Variants in ADAR observed in about 807,000 individuals in gnomAD.
ADAR encodes adenosine deaminase RNA specific.
ADAR carries 41 observed loss-of-function variants against 113.2 expected under a neutral mutation model. That is an observed-to-expected ratio of 0.36 (90% CI 0.28 to 0.47). The LOEUF (loss-of-function observed/expected upper bound fraction) is 0.47, where lower values mean the gene tolerates loss of function less well. Ranked by LOEUF, ADAR falls within the 20% of genes least tolerant of loss-of-function variation. ADAR has a pLI of 1.00. For synonymous variants in ADAR, 605 were observed against 572.6 expected (o/e 1.06, Z -0.81); for missense variants, 1,242 against 1,540.9 (o/e 0.81, Z 3.25).
At chr1:154,612,796 A>G (rs1220202509), upstream of ADAR, among the ~76,000 whole-genome samples, 1 of 151,832 alleles carries the variant, frequency 6.6e-6, no homozygotes, top group African/African-American at 2.4e-5. Flanking sequence ...ACAGTTCCTA[A>G]CAACATTAAT....
At chr1:154,598,064 T>C in intron 3 of ADAR, 88 bp from the exon 4 acceptor site, 2 of 1,456,638 alleles carry the variant, frequency 1.4e-6, no homozygotes, top group Non-Finnish European at 1.9e-6. Context: ...TGGGGGACTT[T>C]ATTCCCACCA....
At chr1:154,606,947 A>AAT (rs5777923) in intron 1 of ADAR, among the ~76,000 whole-genome samples, 9,018 of 148,464 alleles carry the variant, frequency 0.061, 644 homozygotes, top group African/African-American at 0.17. Context: ...AAAAAAAAAA[A>AAT]ATATATATAT....
At chr1:154,586,425 G>T in intron 11 of ADAR, 62 bp from the exon 12 acceptor site, 2 of 1,540,896 alleles carry the variant, frequency 1.3e-6, no homozygotes, top group South Asian at 2.3e-5. Flanking sequence ...CCCTGGCGTG[G>T]TTTCTATCCT....
At chr1:154,593,421 T>A (rs926774721) in intron 6 of ADAR, among the ~76,000 whole-genome samples, 18 of 152,218 alleles carry the variant, frequency 1.2e-4, no homozygotes, top group Admixed American at 1.2e-3. Flanking sequence ...TATGGCTATA[T>A]GTCTGCTACA....
At chr1:154,586,672 T>G (rs1696787445) in intron 11 of ADAR, among the ~76,000 whole-genome samples, 1 of 152,188 alleles carries the variant, frequency 6.6e-6, no homozygotes, top group South Asian at 2.1e-4. Context: ...CTGAAGGCTC[T>G]GAGGCAGCTA....
intron 6 of ADAR, 29 bp from the exon 7 acceptor site, chr1:154,590,438 C>T (rs745549138): frequency 6.2e-7 from 1 of 1,604,306 alleles, no homozygotes; most frequent in Non-Finnish European, 8.5e-7. Flanking sequence ...AGAATGAAGA[C>T]AAGTGCCAGA....
chr1:154,590,143 C>T, intron 7 of ADAR, 41 bp downstream of exon 7: 2 of 1,034,538 alleles, frequency 1.9e-6, no homozygotes, highest in Non-Finnish European at 3.0e-6. Context: ...TTAGGAGGAC[C>T]CCCCCGCCCC....
rs1006646351 is a variant in ADAR at position 154,584,752 on chromosome 1, A to C, written c.*54T>G. On this transcript the variant is annotated 3_prime_UTR_variant, in exon 15 of 15. Transcript: ENST00000368474. ...CATGTGATGAGGAATGCTACGACCT[A>C]CCTCTCTCACACCCTAGTATGACAC... is the stretch of plus-strand genomic sequence containing the variant. 10 of 1,428,466 alleles carry C rather than the reference A, an allele frequency of 7.0e-6. No individual in the cohort carries two copies. Among genetic ancestry groups the C allele is most frequent in the Non-Finnish European group, 9.9e-6 (10 of 1,013,264 alleles). 88.5% of individuals were successfully genotyped at this position (1,428,466 alleles called of 1,614,324 possible). A position where few individuals can be genotyped will look rare whatever the true frequency, so the allele number is the denominator to read the frequency against.
chr1:154,602,425 G>C lies in ADAR; in HGVS notation c.217C>G (p.Pro73Ala), dbSNP rs894373560. Reference sequence around the variant, plus strand: ...GAGGCAAGTAGTACTGGAAACCTTGGCCGGAGTCCTGGGAGGGAAGGTGGC... The same window carrying C: ...GAGGCAAGTAGTACTGGAAACCTTGCCCGGAGTCCTGGGAGGGAAGGTGGC... ...SLPPSLPGLR[P>A]RFPVLLASST... Residue 73 changes from proline (P) to alanine (A), a missense_variant, in exon 2 of 15, where the codon CCA becomes GCA. This residue lies in a region of ADAR where 462 missense variants were observed against 483.1 expected (regional missense o/e 0.96). Coordinates refer to ENST00000368474, the MANE Select transcript of ADAR (RefSeq NM_001111.5). The C allele has an allele frequency of 3.1e-6, 5 of 1,609,370 alleles. No homozygotes were observed. In the Admixed American group the frequency reaches 5.0e-5, roughly 16 times the overall value.
Position 154,584,677 on chromosome 1 carries a change from C to T in ADAR, c.*129G>A. 1 of 870,070 alleles carries T rather than the reference C, an allele frequency of 1.1e-6. No individual in the cohort carries two copies. Among genetic ancestry groups the T allele is most frequent in the South Asian group, 1.6e-5 (1 of 61,282 alleles). The allele number at this position is 870,070 out of a possible 1,614,324, so 53.9% of individuals were successfully genotyped here. A position where few individuals can be genotyped will look rare whatever the true frequency, so the allele number is the denominator to read the frequency against. On this transcript the variant is annotated 3_prime_UTR_variant, in exon 15 of 15. Coordinates refer to ENST00000368474, the MANE Select transcript of ADAR (RefSeq NM_001111.5). ...TGGGAACCCAAAGTTTTCAGTATCA[C>T]CAATTATGGCTTAAAAAGAAAAAAA...
In ADAR at chr1:154,583,522, C is replaced by T. The variant is rs1294148353; in HGVS notation, c.*1284G>A. ...CTACCTCACAGAGTTTGAAGACAAC[C>T]TGCCCTTTCACCCACAACTACTGCT... On this transcript the variant is annotated 3_prime_UTR_variant, in exon 15 of 15. Transcript: ENST00000368474. 6.6e-6 allele frequency: 1 copy of T among 152,226 alleles called. No individual in the cohort carries two copies. The highest frequency in any genetic ancestry group is 1.5e-5 in the Non-Finnish European group (1 of 68,064). 9.4% of individuals were successfully genotyped at this position (152,226 alleles called of 1,614,324 possible).
chr1:154,606,566 G>A (rs1367236146), intron 1 of ADAR, among the ~76,000 whole-genome samples: 3 of 152,112 alleles, frequency 2.0e-5, no homozygotes, highest in South Asian at 2.1e-4. Flanking sequence ...AGGGCAGTAG[G>A]GTTAGAGGGA....
intron 6 of ADAR, among the ~76,000 whole-genome samples, chr1:154,595,531 A>G (rs1434354153): frequency 6.6e-6 from 1 of 152,182 alleles, no homozygotes; most frequent in Non-Finnish European, 1.5e-5. Context: ...TTACAAACAG[A>G]AAAAAGACTA....
chr1:154,596,191 A>T (rs371171309), intron 6 of ADAR, among the ~76,000 whole-genome samples: 11 of 152,310 alleles, frequency 7.2e-5, no homozygotes, highest in African/African-American at 2.4e-5. Flanking sequence ...GGGAAACTAG[A>T]AGTCTGAGAC....
chr1:154,608,835 G>C (rs1204279537), upstream of ADAR: 1 of 140,050 alleles, frequency 7.1e-6, no homozygotes, highest in African/African-American at 2.6e-5. Context: ...TGGAGGGGGG[G>C]GGGAGGGGAT....
chr1:154,590,344 T>G lies in ADAR; in HGVS notation c.2336A>C (p.Gln779Pro). The G allele has an allele frequency of 6.2e-7, 1 of 1,614,126 alleles. No individual in the cohort carries two copies. The highest frequency in any genetic ancestry group is 8.5e-7 in the Non-Finnish European group (1 of 1,180,020). ...FPAVCAHSKKQGKQEAADAAL... is the reference protein window; with the variant it reads ...FPAVCAHSKKPGKQEAADAAL... ...CGCATCTGCTGCTTCCTGCTTGCCT[T>G]GCTTCTTGCTGTGTGCGCAGACGGC... The change falls in exon 7 of 15, where the codon CAA becomes CCA. Residue 779 changes from glutamine (Q) to proline (P), a missense_variant. Around this residue, in one of 2 missense-constraint regions of ADAR, gnomAD observed 780 missense variants for 1,057.9 expected, o/e 0.74. Transcript: ENST00000368474.
chr1:154,598,355 G>T, intron 3 of ADAR, 47 bp downstream of exon 3: 1 of 1,598,354 alleles, frequency 6.3e-7, no homozygotes, highest in Non-Finnish European at 8.6e-7. Context: ...TTACAATCCA[G>T]ACACTGACAG....
At chr1:154,588,443 G>A (rs1696908488) in intron 10 of ADAR, 108 bp downstream of exon 10, 3 of 1,526,394 alleles carry the variant, frequency 2.0e-6, no homozygotes, top group Non-Finnish European at 2.7e-6. Context: ...CCACAGTGGA[G>A]TGTGGCTTAT....
upstream of ADAR, among the ~76,000 whole-genome samples, chr1:154,610,823 AG>A (rs1407095756): frequency 0.14 from 4,965 of 35,474 alleles, 1,090 homozygotes; most frequent in South Asian, 0.2. Context: ...AAAAAAAAAA[AG>A]AAAAAAAAAA....
Sources: allele counts gnomAD v4.1 joint callset (sites outside exome capture counted in the v4.1 genomes callset), GRCh38; gene constraint gnomAD v4.1.1; regional missense constraint gnomAD v4.1.1; transcripts MANE v1.5; gene names NCBI Gene and HGNC (gene_info 2026-07-23, HGNC 2026-07-21).